The following FRMD3 variants were observed in gnomAD, a reference collection of about 807,000 sequenced individuals.
FRMD3 encodes FERM domain containing 3.
In FRMD3, 33 loss-of-function variants were observed where a neutral mutation model predicts 70.2. The ratio of observed to expected loss-of-function variants is 0.47; its 90% CI spans 0.36 to 0.63. The LOEUF (loss-of-function observed/expected upper bound fraction) is 0.63, where lower values mean the gene tolerates loss of function less well. FRMD3 is among the 20% of genes least tolerant of loss of function. FRMD3 has a pLI of 0.00. For synonymous variants in FRMD3, 279 were observed against 255.9 expected (o/e 1.09, Z -0.86); for missense variants, 632 against 711.4 (o/e 0.89, Z 1.27).
chr9:83,300,093 T>C (rs1834844653), intron 10 of FRMD3, among the ~76,000 whole-genome samples: 3 of 152,224 alleles, frequency 2.0e-5, no homozygotes. Context: ...ATCTGTAGCA[T>C]CCTGAGCAAA....
intron 13 of FRMD3, among the ~76,000 whole-genome samples, chr9:83,249,780 C>T (rs1832312446): frequency 6.6e-6 from 1 of 152,118 alleles, no homozygotes; most frequent in Non-Finnish European, 1.5e-5. Context: ...ATGGCAACAG[C>T]TTTTTTAAAA....
intron 1 of FRMD3, among the ~76,000 whole-genome samples, chr9:83,441,832 A>G (rs1015454778): frequency 6.6e-6 from 1 of 151,884 alleles, no homozygotes; most frequent in Non-Finnish European, 1.5e-5. Context: ...GCCTTTACAT[A>G]CAAACAGAGA....
At chr9:83,512,779 T>G (rs1587503000) in intron 1 of FRMD3, among the ~76,000 whole-genome samples, 1 of 152,142 alleles carries the variant, frequency 6.6e-6, no homozygotes, top group Non-Finnish European at 1.5e-5. Flanking sequence ...ACACTTCCGG[T>G]GTCTTTCAGC....
At chr9:83,583,413 C>A in the FRMD3 span, among the ~76,000 whole-genome samples, 1 of 152,114 alleles carries the variant, frequency 6.6e-6, no homozygotes, top group Non-Finnish European at 1.5e-5. Flanking sequence ...CTTCCCCCTG[C>A]CAGCCCCATT....
intron 1 of FRMD3, among the ~76,000 whole-genome samples, chr9:83,529,905 C>T (rs4877787): frequency 0.67 from 101,236 of 152,008 alleles, 34,142 homozygotes; most frequent in African/African-American, 0.77. Context: ...ACTTTAGCCA[C>T]CAGAGAAATG....
intron 1 of FRMD3, among the ~76,000 whole-genome samples, chr9:83,458,578 A>G (rs879625072): frequency 1.3e-5 from 2 of 152,208 alleles, no homozygotes; most frequent in Admixed American, 6.5e-5. Flanking sequence ...CCTCCACTAA[A>G]TGAGCTTCCT....
At chr9:83,565,215 A>G in the FRMD3 span, among the ~76,000 whole-genome samples, 1 of 152,104 alleles carries the variant, frequency 6.6e-6, no homozygotes, top group Non-Finnish European at 1.5e-5. Context: ...TCTGGAAGTA[A>G]GGGGCAGAGT....
At chr9:83,261,477 A>G (rs899005205) in intron 13 of FRMD3, among the ~76,000 whole-genome samples, 1 of 152,114 alleles carries the variant, frequency 6.6e-6, no homozygotes, top group Admixed American at 6.5e-5. Flanking sequence ...CCTCCTACAG[A>G]TCACTCAACC....
At position 83,329,010 on chromosome 9, in the gene FRMD3, T is replaced by C. The variant is rs1166649453; in HGVS notation, c.596+6506A>G. On this transcript the variant is annotated intron_variant, in intron 6 of 13. Coordinates refer to ENST00000304195, the MANE Select transcript of FRMD3 (RefSeq NM_174938.6). ...CCCTCTCTCCTTCTTCATGGCCACA[T>C]TGCACTTTGGTAACATTGCTTTTTC... Among the ~76,000 whole-genome samples the C allele has an allele frequency of 2.6e-5, 4 of 152,196 alleles. No homozygotes were observed. The East Asian group carries it at 5.8e-4, about 22-fold the overall frequency.
chr9:83,333,108 G>A (rs1308733233), intron 6 of FRMD3, among the ~76,000 whole-genome samples: 1 of 152,174 alleles, frequency 6.6e-6, no homozygotes, highest in African/African-American at 2.4e-5. Context: ...AGCCTCTTCT[G>A]CTCTTCTTGT....
intron 10 of FRMD3, among the ~76,000 whole-genome samples, chr9:83,299,846 T>C (rs1242187012): frequency 6.6e-6 from 1 of 152,062 alleles, no homozygotes; most frequent in African/African-American, 2.4e-5. Context: ...TGAGCCCTAC[T>C]CGTAAATAAG....
At chr9:83,459,478 A>T (rs1444535662) in intron 1 of FRMD3, among the ~76,000 whole-genome samples, 1 of 152,190 alleles carries the variant, frequency 6.6e-6, no homozygotes, top group Non-Finnish European at 1.5e-5. Flanking sequence ...TCTTACATGT[A>T]CCTCGCAGCC....
At chr9:83,329,636 T>C (rs1836169379) in intron 6 of FRMD3, among the ~76,000 whole-genome samples, 1 of 152,240 alleles carries the variant, frequency 6.6e-6, no homozygotes, top group African/African-American at 2.4e-5. Flanking sequence ...ATAATTACTC[T>C]GTTTAAAAAA....
In FRMD3 at chr9:83,248,480, G is replaced by A. The variant is rs376261321; in HGVS notation, c.1232C>T (p.Pro411Leu). The part of the protein sequence containing the change: ...PLPKEENISA[P>L]LISSSPVKAA... ...CTTCACTGGGGAGCTGGAGATCAAG[G>A]GAGCAGAAATGTTCTCCTCTTTAGG... Residue 411 changes from proline to leucine, a missense_variant, in exon 14 of 14, where the codon CCC becomes CTC. Pro to Leu is a moderately conservative substitution (Grantham distance 98). This residue lies in a region of FRMD3 where 418 missense variants were observed against 442.1 expected (regional missense o/e 0.95). Coordinates refer to ENST00000304195, the MANE Select transcript of FRMD3 (RefSeq NM_174938.6). 2.9e-5 allele frequency: 47 copies of A among 1,612,264 alleles called. No individual in the cohort carries two copies. The African/African-American group carries it at 5.3e-4, about 18-fold the overall frequency.
intron 6 of FRMD3, among the ~76,000 whole-genome samples, chr9:83,319,360 T>A (rs12339712): frequency 0.079 from 12,036 of 152,214 alleles, 629 homozygotes; most frequent in East Asian, 0.23. Flanking sequence ...TTAATTTTTG[T>A]TTATGGTGAG....
At chr9:83,506,649 C>T (rs749900210) in intron 1 of FRMD3, among the ~76,000 whole-genome samples, 11 of 152,226 alleles carry the variant, frequency 7.2e-5, no homozygotes, top group East Asian at 1.9e-4. Flanking sequence ...TAGGACATTA[C>T]GCTACACCAC....
chr9:83,261,996 A>T (rs1833016222), intron 13 of FRMD3, among the ~76,000 whole-genome samples: 1 of 152,206 alleles, frequency 6.6e-6, no homozygotes, highest in African/African-American at 2.4e-5. Flanking sequence ...ACTGGTAAGC[A>T]CTCAATAATA....
At chr9:83,307,206 T>G (rs550375986) in intron 10 of FRMD3, among the ~76,000 whole-genome samples, 1 of 152,296 alleles carries the variant, frequency 6.6e-6, no homozygotes, top group South Asian at 2.1e-4. Flanking sequence ...AAACAGATGG[T>G]TTCATTCAAG....
chr9:83,334,019 T>C (rs978447725), intron 6 of FRMD3, among the ~76,000 whole-genome samples: 1 of 152,132 alleles, frequency 6.6e-6, no homozygotes, highest in Non-Finnish European at 1.5e-5. Context: ...TTCTGAGCGT[T>C]AGAGGCCCTG....
Sources: gnomAD v4.1 joint callset for allele counts (sites outside exome capture counted in the v4.1 genomes callset) on GRCh38, gnomAD v4.1.1 for gene constraint, gnomAD v4.1.1 regional missense constraint, MANE v1.5 for transcripts, NCBI Gene and HGNC (gene_info 2026-07-23, HGNC 2026-07-21) for gene names.